The following ADGRD1 variants were observed in gnomAD, a reference collection of about 807,000 sequenced individuals.
ADGRD1 encodes G-protein coupled receptor 133.
Under a neutral mutation model 113.4 loss-of-function variants are expected in ADGRD1, and 77 were observed. That is an observed-to-expected ratio of 0.68 (90% CI 0.57 to 0.82). The LOEUF is 0.82. Ranked by LOEUF, ADGRD1 falls within the 40% of genes least tolerant of loss-of-function variation. ADGRD1 has a pLI of 0.00. For synonymous variants in ADGRD1, 474 were observed against 475.0 expected (o/e 1.00, Z 0.03); for missense variants, 1,036 against 1,139.1 (o/e 0.91, Z 1.30).
chr12:131,117,763 T>G (rs935602409), intron 18 of ADGRD1, among the ~76,000 whole-genome samples: 1 of 152,156 alleles, frequency 6.6e-6, no homozygotes, highest in Non-Finnish European at 1.5e-5. Flanking sequence ...TCAAATACTG[T>G]AAGAATGTGG....
At chr12:131,105,447 T>G (rs958337986) in intron 16 of ADGRD1, among the ~76,000 whole-genome samples, 3 of 152,130 alleles carry the variant, frequency 2.0e-5, no homozygotes, top group African/African-American at 7.2e-5. Flanking sequence ...GGAACAGCTA[T>G]GCAAAGGCCC....
intron 12 of ADGRD1, among the ~76,000 whole-genome samples, chr12:131,009,712 CAT>C (rs1178425695): frequency 6.6e-6 from 1 of 152,022 alleles, no homozygotes; most frequent in Non-Finnish European, 1.5e-5. Flanking sequence ...TATGTGTGCA[CAT>C]ATGTGCATGT....
intron 15 of ADGRD1, among the ~76,000 whole-genome samples, chr12:131,102,684 C>T (rs1950115641): frequency 2.6e-5 from 4 of 152,182 alleles, no homozygotes; most frequent in South Asian, 4.1e-4. Context: ...GATGGAGGCA[C>T]ACACCCAGGG....
rs988584253 is a variant in ADGRD1 at position 131,022,576 on chromosome 12, G to A, written c.1473+8236G>A. ...GGGCGCTGTCCGGCTCTATCATTAC[G>A]GATTCTGTTGCTCCCGTTGTCGCGG... On this transcript the variant is annotated intron_variant, in intron 13 of 24. Coordinates refer to ENST00000261654, the MANE Select transcript of ADGRD1 (RefSeq NM_198827.5). This position sits in a 1 kb window ranked among gnomAD's most constrained non-coding sequence, Gnocchi z 4.6. Among the ~76,000 whole-genome samples, 9 of 152,162 alleles carry A rather than the reference G, an allele frequency of 5.9e-5. No homozygotes were observed. The highest frequency in any genetic ancestry group is 2.1e-4 in the South Asian group (1 of 4,822).
intron 13 of ADGRD1, among the ~76,000 whole-genome samples, chr12:131,036,184 G>T (rs527247171): frequency 1.3e-5 from 2 of 152,176 alleles, no homozygotes; most frequent in South Asian, 2.1e-4. Flanking sequence ...ACTGGAGGGG[G>T]TCTCATTCAC....
Position 131,032,719 on chromosome 12 carries a change from A to C in ADGRD1, c.1473+18379A>C, listed in dbSNP as rs7135163. On this transcript the variant is annotated intron_variant, in intron 13 of 24. Transcript: ENST00000261654. ...GAGAAATCGCCACCCCATCACAGAG[A>C]TGACGTTTATTAGAGAAATCGCCAC... Among the ~76,000 whole-genome samples the C allele has an allele frequency of 4.6e-3, 578 of 125,624 alleles. 9 individuals are homozygous for C. The highest frequency in any genetic ancestry group is 0.021 in the African/African-American group (552 of 25,908). 82.4% of individuals were successfully genotyped at this position (125,624 alleles called of 152,430 possible).
At chr12:130,967,192 G>A (rs1871099367) in intron 3 of ADGRD1, 5 of 373,172 alleles carry the variant, frequency 1.3e-5, no homozygotes, top group Admixed American at 8.1e-5. Context: ...AAGGGCCCCC[G>A]TTTCATTCAG....
intron 18 of ADGRD1, among the ~76,000 whole-genome samples, chr12:131,114,375 G>A (rs1436757678): frequency 6.6e-6 from 1 of 152,170 alleles, no homozygotes; most frequent in Non-Finnish European, 1.5e-5. Flanking sequence ...TACCAATGCA[G>A]CCCCAGTAGG....
chr12:131,119,232 A>G (rs992578324), intron 19 of ADGRD1, among the ~76,000 whole-genome samples: 2 of 152,264 alleles, frequency 1.3e-5, no homozygotes, highest in South Asian at 4.1e-4. Context: ...CAGCTTCAGA[A>G]TGAGATAATA....
intron 20 of ADGRD1, 55 bp downstream of exon 20, chr12:131,120,968 A>C (rs1335908249): frequency 6.6e-7 from 1 of 1,526,616 alleles, no homozygotes; most frequent in African/African-American, 1.4e-5. Flanking sequence ...GCAGGAGGAG[A>C]GGGTGTGGGG....
intron 4 of ADGRD1, among the ~76,000 whole-genome samples, chr12:130,972,203 T>C (rs574317643): frequency 2.4e-4 from 37 of 152,212 alleles, no homozygotes; most frequent in Non-Finnish European, 4.6e-4. Flanking sequence ...CTTCAGGCAA[T>C]GCACGTCTGG....
In ADGRD1 at chr12:131,003,080, G is replaced by A. The variant is rs1167001458; in HGVS notation, c.1027-105G>A. ...CAGTTGTGTGACTTCTTCCTCCCTC[G>A]TGGCCAACGTGGGGAAACTTGATTT... On this transcript the variant is annotated intron_variant, in intron 9 of 24. Coordinates refer to ENST00000261654, the MANE Select transcript of ADGRD1 (RefSeq NM_198827.5). The surrounding 1 kb of genome is among the most constrained non-coding windows in gnomAD (Gnocchi z 4.8). The A allele has an allele frequency of 1.3e-5, 12 of 900,640 alleles. No individual in the cohort carries two copies. The highest frequency in any genetic ancestry group is 2.4e-5 in the East Asian group (1 of 41,378). The allele number at this position is 900,640 out of a possible 1,614,324, so 55.8% of individuals were successfully genotyped here. A position where few individuals can be genotyped will look rare whatever the true frequency, so the allele number is the denominator to read the frequency against.
In ADGRD1 at chr12:131,008,924, T is replaced by C. The variant is rs972250335; in HGVS notation, c.1331+2877T>C. On this transcript the variant is annotated intron_variant, in intron 12 of 24. Coordinates refer to ENST00000261654, the MANE Select transcript of ADGRD1 (RefSeq NM_198827.5). ...GCTCAGCGTGTGTCCTTAGTCACTATAGAGTGACACGGAGCACCGATGGAA... is the reference window on the plus strand; with the variant it reads ...GCTCAGCGTGTGTCCTTAGTCACTACAGAGTGACACGGAGCACCGATGGAA... Among the ~76,000 whole-genome samples, 5 of 152,326 alleles carry C rather than the reference T, an allele frequency of 3.3e-5. No homozygotes were observed. The East Asian group carries it at 7.7e-4, about 23-fold the overall frequency.
chr12:131,054,443 A>G (rs898138223), intron 13 of ADGRD1, among the ~76,000 whole-genome samples: 1 of 152,214 alleles, frequency 6.6e-6, no homozygotes, highest in African/African-American at 2.4e-5. Flanking sequence ...TTGCTAAGCC[A>G]TTAGTGTCAA....
rs552977873 is a variant in ADGRD1, at chr12:131,050,221, A to G, written c.1474-26580A>G. Among the ~76,000 whole-genome samples, 3 of 151,744 alleles carry G rather than the reference A, an allele frequency of 2.0e-5. No individual in the cohort carries two copies. Among genetic ancestry groups the G allele is most frequent in the South Asian group, 2.1e-4 (1 of 4,766 alleles). On this transcript the variant is annotated intron_variant, in intron 13 of 24. Coordinates refer to ENST00000261654, the MANE Select transcript of ADGRD1 (RefSeq NM_198827.5). The surrounding 1 kb of genome is among the most constrained non-coding windows in gnomAD (Gnocchi z 4.8). The stretch of plus-strand genomic sequence containing the variant: ...AGTTGAAATCACCATCGTCATCGTC[A>G]TCATCATCATCATCATCAATGAGAT...
At chr12:131,118,056 G>A (rs1187759639) in intron 18 of ADGRD1, among the ~76,000 whole-genome samples, 1 of 152,252 alleles carries the variant, frequency 6.6e-6, no homozygotes, top group Non-Finnish European at 1.5e-5. Flanking sequence ...CACAGGTCTA[G>A]ATAGACCAAG....
intron 19 of ADGRD1, among the ~76,000 whole-genome samples, chr12:131,119,351 A>G (rs1209618): frequency 0.48 from 73,505 of 152,034 alleles, 18,072 homozygotes; most frequent in East Asian, 0.73. Context: ...ACAGTGAAAC[A>G]AGCATGGTTA....
chr12:131,005,758 T>C (rs1223735998), intron 11 of ADGRD1, among the ~76,000 whole-genome samples: 1 of 131,036 alleles, frequency 7.6e-6, no homozygotes, highest in African/African-American at 3.2e-5. Context: ...TGGAGCTGGC[T>C]CAGGGGATGG....
chr12:131,076,964 C>A, intron 14 of ADGRD1, 90 bp downstream of exon 14: 2 of 1,028,822 alleles, frequency 1.9e-6, no homozygotes, highest in South Asian at 1.3e-5. Context: ...CTGGGTCACC[C>A]ATTTCTGCAG....
Sources: allele counts gnomAD v4.1 joint callset (sites outside exome capture counted in the v4.1 genomes callset), GRCh38; gene constraint gnomAD v4.1.1; non-coding constraint Gnocchi (gnomAD v3.1); transcripts MANE v1.5; gene names NCBI Gene and HGNC (gene_info 2026-07-23, HGNC 2026-07-21).